PDLIM5: variants seen among roughly 807,000 people sequenced by gnomAD.
PDLIM5 encodes PDZ and LIM domain protein 5.
A neutral mutation model predicts 64.2 loss-of-function variants in PDLIM5; 34 were observed. The observed-to-expected ratio is 0.53, with a 90% CI of 0.40 to 0.71. PDLIM5 has a LOEUF of 0.71. PDLIM5 is among the 30% of genes least tolerant of loss of function. The pLI, the probability that PDLIM5 is intolerant of heterozygous loss-of-function variation, is 0.00. For synonymous variants in PDLIM5, 253 were observed against 269.1 expected, an observed-to-expected ratio of 0.94 and a Z score of 0.59; for missense variants, 683 against 733.6, an observed-to-expected ratio of 0.93 and a Z score of 0.80.
At chr4:94,459,024 T>G (rs1723634392) in intron 2 of PDLIM5, among the ~76,000 whole-genome samples, 2 of 152,170 alleles carry the variant, frequency 1.3e-5, no homozygotes, top group Admixed American at 6.6e-5. Context: ...GTTTATGGAA[T>G]TGCCCTGAAG....
At chr4:94,581,255 A>G (rs901993082) in intron 5 of PDLIM5, among the ~76,000 whole-genome samples, 3 of 152,198 alleles carry the variant, frequency 2.0e-5, no homozygotes, top group Non-Finnish European at 2.9e-5. Flanking sequence ...ATGTAAAAAT[A>G]TTTATTTGAC....
chr4:94,551,953 G>A (rs1399512306), intron 3 of PDLIM5, among the ~76,000 whole-genome samples: 1 of 152,074 alleles, frequency 6.6e-6, no homozygotes, highest in Non-Finnish European at 1.5e-5. Context: ...CTTTTTTCCT[G>A]TATATGAGGA....
At chr4:94,455,774 TG>T (rs1723285279) in intron 2 of PDLIM5, 1 of 1,518,520 alleles carries the variant, frequency 6.6e-7, no homozygotes, top group East Asian at 2.4e-5. Flanking sequence ...TAAAAACTGT[TG>T]ATCAAAATTG....
intron 5 of PDLIM5, among the ~76,000 whole-genome samples, chr4:94,583,312 A>G (rs1375196685): frequency 6.6e-6 from 1 of 152,078 alleles, no homozygotes; most frequent in Non-Finnish European, 1.5e-5. Context: ...TAAAAATACT[A>G]CTTAGGTAGT....
intron 9 of PDLIM5, among the ~76,000 whole-genome samples, chr4:94,642,933 A>G (rs750075898): frequency 1.3e-5 from 2 of 152,214 alleles, no homozygotes; most frequent in Non-Finnish European, 2.9e-5. Flanking sequence ...TTTCTGTCAT[A>G]TAATTTATAT....
At chr4:94,457,481 C>T (rs946006083) in intron 2 of PDLIM5, among the ~76,000 whole-genome samples, 2 of 151,982 alleles carry the variant, frequency 1.3e-5, no homozygotes, top group African/African-American at 4.8e-5. Context: ...TTGGTTTTTA[C>T]GTTTTGTTAG....
intron 8 of PDLIM5, among the ~76,000 whole-genome samples, chr4:94,635,996 A>C (rs1341436049): frequency 6.6e-6 from 1 of 152,250 alleles, no homozygotes; most frequent in Non-Finnish European, 1.5e-5. Flanking sequence ...ATGGGGCAGT[A>C]ACGGAAAGCA....
Position 94,656,383 on chromosome 4 carries a change from C to T in PDLIM5, c.1465-1044C>T, listed in dbSNP as rs535221952. Among the ~76,000 whole-genome samples, 443 of 152,074 alleles carry T rather than the reference C, an allele frequency of 2.9e-3. 1 individual carries two copies. Among genetic ancestry groups the T allele is most frequent in the Non-Finnish European group, 4.9e-3 (330 of 67,964 alleles). On this transcript the variant is annotated intron_variant, in intron 10 of 12. Coordinates refer to ENST00000317968, the MANE Select transcript of PDLIM5 (RefSeq NM_006457.5). ...CAAAACCTCTTTTACTAACTAATAT[C>T]TGGCCCAAATCTTTATAACTTGGTA...
chr4:94,571,042 T>C (rs1379195486), intron 3 of PDLIM5, among the ~76,000 whole-genome samples: 1 of 152,216 alleles, frequency 6.6e-6, no homozygotes, highest in East Asian at 1.9e-4. Context: ...AAAGCAGTTT[T>C]AGGAAACTAC....
At chr4:94,515,850 T>C (rs1729311463) in intron 2 of PDLIM5, among the ~76,000 whole-genome samples, 1 of 152,182 alleles carries the variant, frequency 6.6e-6, no homozygotes, top group South Asian at 2.1e-4. Context: ...TATTCCAGAG[T>C]AGGCTATATA....
At chr4:94,475,006 A>G (rs140580379) in intron 2 of PDLIM5, among the ~76,000 whole-genome samples, 1 of 152,154 alleles carries the variant, frequency 6.6e-6, no homozygotes, top group Non-Finnish European at 1.5e-5. Context: ...AGTTTTTCCA[A>G]ATTATTTTTC....
At chr4:94,660,855 A>C (rs1277731641) in intron 11 of PDLIM5, among the ~76,000 whole-genome samples, 1 of 152,168 alleles carries the variant, frequency 6.6e-6, no homozygotes, top group Non-Finnish European at 1.5e-5. Context: ...GAGGAGCTGC[A>C]TAAAAGAAAA....
intron 7 of PDLIM5, among the ~76,000 whole-genome samples, chr4:94,597,791 A>G (rs879878778): frequency 2.3e-4 from 35 of 152,154 alleles, no homozygotes; most frequent in Non-Finnish European, 7.4e-5. Flanking sequence ...AGGAAAAAAA[A>G]GTTAACTTCT....
At chr4:94,629,527 A>T (rs1203829668) in intron 8 of PDLIM5, among the ~76,000 whole-genome samples, 1 of 152,182 alleles carries the variant, frequency 6.6e-6, no homozygotes, top group Non-Finnish European at 1.5e-5. Flanking sequence ...TAGGAGAAAA[A>T]GGCATGAATT....
intron 3 of PDLIM5, among the ~76,000 whole-genome samples, chr4:94,561,201 A>T (rs1385975016): frequency 6.6e-6 from 1 of 152,196 alleles, no homozygotes; most frequent in Admixed American, 6.5e-5. Flanking sequence ...AATGAGGAAG[A>T]ACACTGCATG....
rs1743046887 is a variant in PDLIM5, at chr4:94,665,658, G to A, written c.*1591G>A. ...CCACTGGCTGATGAAGAGTTGAGAG[G>A]TCTCTTTGCAGAATGATCTTTTTGT... On this transcript the variant is annotated 3_prime_UTR_variant, in exon 13 of 13. Transcript: ENST00000317968. 1 of 1,045,546 alleles carries A rather than the reference G, an allele frequency of 9.6e-7. No individual in the cohort carries two copies. Among genetic ancestry groups the A allele is most frequent in the African/African-American group, 1.7e-5 (1 of 59,416 alleles). 64.8% of individuals were successfully genotyped at this position (1,045,546 alleles called of 1,614,324 possible).
intron 4 of PDLIM5, 171 bp downstream of exon 4, chr4:94,573,564 A>G: frequency 2.8e-6 from 2 of 705,940 alleles, no homozygotes; most frequent in Non-Finnish European, 5.2e-6. Context: ...AGATCAGCAC[A>G]TACCATTTGT....
At chr4:94,633,070 G>A (rs1171555260) in intron 8 of PDLIM5, among the ~76,000 whole-genome samples, 3 of 152,154 alleles carry the variant, frequency 2.0e-5, no homozygotes, top group African/African-American at 4.8e-5. Flanking sequence ...ATTTTTAAGT[G>A]TGATAATGGC....
At chr4:94,566,099 T>C (rs1334464689) in intron 3 of PDLIM5, among the ~76,000 whole-genome samples, 4 of 152,174 alleles carry the variant, frequency 2.6e-5, no homozygotes, top group African/African-American at 9.7e-5. Flanking sequence ...TATAACTTTC[T>C]CTTTGATGTT....
Sources: allele counts gnomAD v4.1 joint callset (sites outside exome capture counted in the v4.1 genomes callset), GRCh38; gene constraint gnomAD v4.1.1; transcripts MANE v1.5; gene names NCBI Gene and HGNC (gene_info 2026-07-23, HGNC 2026-07-21).